PHKB: variants seen among roughly 807,000 people sequenced by gnomAD.
PHKB encodes phosphorylase b kinase regulatory subunit beta.
In PHKB, 122 loss-of-function variants were observed where a neutral mutation model predicts 152.1. That is an observed-to-expected ratio of 0.80 (90% CI 0.69 to 0.93). The LOEUF is 0.93. PHKB is among the 40% of genes least tolerant of loss of function. The pLI is 0.00. For synonymous variants in PHKB, 436 were observed against 464.9 expected, an observed-to-expected ratio of 0.94 and a Z score of 0.80; for missense variants, 1,304 against 1,328.4, an observed-to-expected ratio of 0.98 and a Z score of 0.29.
At position 47,588,923 on chromosome 16, in the gene PHKB, C is replaced by G; in HGVS notation, c.889C>G (p.Leu297Val). 1 of 1,613,664 alleles carries G rather than the reference C, an allele frequency of 6.2e-7. No homozygotes were observed. The highest frequency in any genetic ancestry group is 8.5e-7 in the Non-Finnish European group (1 of 1,179,668). ...SRSHNTDAALLPCISYPAFAL... is the reference protein window; with the variant it reads ...SRSHNTDAALVPCISYPAFAL... ...CCTCCAGAATACAGATGCTGCCCTG[C>G]TCCCCTGCATCAGTTATCCTGCATT... The change falls in exon 10 of 31, where the codon CTC becomes GTC. Residue 297 changes from leucine (L) to valine (V), a missense_variant. Physicochemically the swap from Leu to Val is conservative, Grantham distance 32. Coordinates refer to ENST00000323584, the MANE Select transcript of PHKB (RefSeq NM_000293.3).
intron 2 of PHKB, among the ~76,000 whole-genome samples, 196 bp downstream of exon 2, chr16:47,497,684 T>C (rs1970256101): frequency 6.6e-6 from 1 of 152,220 alleles, no homozygotes; most frequent in African/African-American, 2.4e-5. Flanking sequence ...AGATCATATC[T>C]GGCCCTTGAA....
At chr16:47,698,065 C>T (rs1416723283) in intron 29 of PHKB, among the ~76,000 whole-genome samples, 3 of 152,162 alleles carry the variant, frequency 2.0e-5, no homozygotes, top group African/African-American at 4.8e-5. Flanking sequence ...GTCCCTGACC[C>T]GTCTCTCCAC....
chr16:47,627,123 C>A lies in PHKB; in HGVS notation c.1459-13912C>A, dbSNP rs547544523. Reference sequence around the variant, plus strand: ...AACCTGAGAGTTAAATGACTGGATTCTTGGAATCTGTTCTCCCCTTTCTGC... The same window carrying A: ...AACCTGAGAGTTAAATGACTGGATTATTGGAATCTGTTCTCCCCTTTCTGC... On this transcript the variant is annotated intron_variant, in intron 14 of 30. Coordinates refer to ENST00000323584, the MANE Select transcript of PHKB (RefSeq NM_000293.3). 2.6e-5 allele frequency among the ~76,000 whole-genome samples: 4 copies of A among 152,304 alleles called. No homozygotes were observed. The South Asian group carries it at 8.3e-4, about 32-fold the overall frequency.
At chr16:47,477,846 A>G (rs13331504) in intron 1 of PHKB, among the ~76,000 whole-genome samples, 2,475 of 152,342 alleles carry the variant, frequency 0.016, 69 homozygotes, top group African/African-American at 0.055. Context: ...GTAAGTCACC[A>G]GTAGCATGTT....
At chr16:47,554,929 G>T (rs570254631) in intron 7 of PHKB, among the ~76,000 whole-genome samples, 4 of 152,318 alleles carry the variant, frequency 2.6e-5, no homozygotes, top group African/African-American at 7.2e-5. Context: ...CATTGGTCTT[G>T]CTGGGAGCTG....
chr16:47,584,639 T>G lies in PHKB; in HGVS notation c.775-3029T>G, dbSNP rs556341320. Among the ~76,000 whole-genome samples the G allele has an allele frequency of 4.6e-5, 7 of 152,282 alleles. No homozygotes were observed. The South Asian group carries it at 1.5e-3, about 32-fold the overall frequency. On this transcript the variant is annotated intron_variant, in intron 8 of 30. Coordinates refer to ENST00000323584, the MANE Select transcript of PHKB (RefSeq NM_000293.3). Reference sequence around the variant, plus strand: ...GAAATTCCTATCAGTAAATACCCTTTCCGGAAGAATACATTTCTCCAGGCT... The same window carrying G: ...GAAATTCCTATCAGTAAATACCCTTGCCGGAAGAATACATTTCTCCAGGCT...
chr16:47,553,497 G>T (rs187422602), intron 7 of PHKB, among the ~76,000 whole-genome samples: 2 of 152,162 alleles, frequency 1.3e-5, no homozygotes, highest in African/African-American at 4.8e-5. Flanking sequence ...CTTTAGCTCA[G>T]AGGAGCTTGT....
chr16:47,650,733 G>A, intron 19 of PHKB, 98 bp from the exon 20 acceptor site: 1 of 1,226,452 alleles, frequency 8.2e-7, no homozygotes, highest in Non-Finnish European at 1.2e-6. Context: ...CTTAGTATGT[G>A]GTGGAATACT....
At chr16:47,490,250 T>C (rs1007770977) in intron 1 of PHKB, among the ~76,000 whole-genome samples, 5 of 152,204 alleles carry the variant, frequency 3.3e-5, no homozygotes, top group Non-Finnish European at 7.3e-5. Flanking sequence ...GTCAAAGTTC[T>C]ATCACTTACT....
intron 6 of PHKB, among the ~76,000 whole-genome samples, chr16:47,543,785 A>C (rs1028426493): frequency 4.6e-5 from 7 of 152,036 alleles, no homozygotes; most frequent in African/African-American, 1.7e-4. Context: ...ACTTTATTTG[A>C]ATAGAGGTGT....
At chr16:47,681,529 G>A (rs556034643) in intron 26 of PHKB, among the ~76,000 whole-genome samples, 8 of 151,298 alleles carry the variant, frequency 5.3e-5, no homozygotes, top group East Asian at 1.9e-4. Flanking sequence ...ATGTAATGGC[G>A]TTCTTTGTCT....
intron 6 of PHKB, among the ~76,000 whole-genome samples, chr16:47,532,471 C>T (rs1168684555): frequency 1.3e-5 from 2 of 152,330 alleles, no homozygotes; most frequent in East Asian, 3.9e-4. Flanking sequence ...TGCTACCAGG[C>T]TGGATCCCAT....
At chr16:47,628,570 G>A (rs1458897717) in intron 14 of PHKB, among the ~76,000 whole-genome samples, 3 of 151,998 alleles carry the variant, frequency 2.0e-5, no homozygotes, top group Admixed American at 6.6e-5. Context: ...ACTTAGACTA[G>A]GGCTCAATAC....
chr16:47,641,710 T>C lies in PHKB; in HGVS notation c.1608+18T>C. The C allele has an allele frequency of 7.9e-7, 1 of 1,259,694 alleles. No individual in the cohort carries two copies. Among genetic ancestry groups the C allele is most frequent in the Non-Finnish European group, 1.2e-6 (1 of 856,704 alleles). The allele number at this position is 1,259,694 out of a possible 1,614,324, so 78.0% of individuals were successfully genotyped here. ...TTGTGAAAGTAAGTGATTCTGCCTT[T>C]TACTTTCCTTACTTTGTAGAGGTAC... is the stretch of plus-strand genomic sequence containing the variant. On this transcript the variant is annotated intron_variant, in intron 16 of 30. Transcript: ENST00000323584.
intron 1 of PHKB, among the ~76,000 whole-genome samples, chr16:47,469,360 A>G (rs1969724726): frequency 1.3e-5 from 2 of 152,316 alleles, no homozygotes; most frequent in South Asian, 2.1e-4. Flanking sequence ...TAGGTGCCCA[A>G]AAACAGTGGG....
At chr16:47,684,175 A>G (rs1245197286) in intron 26 of PHKB, among the ~76,000 whole-genome samples, 1 of 151,972 alleles carries the variant, frequency 6.6e-6, no homozygotes, top group East Asian at 1.9e-4. Context: ...TCTACAAAAA[A>G]ATTAAAAATT....
chr16:47,523,188 C>G (rs1970714212), intron 6 of PHKB, among the ~76,000 whole-genome samples: 1 of 152,058 alleles, frequency 6.6e-6, no homozygotes, highest in Non-Finnish European at 1.5e-5. Context: ...ACCACAATTT[C>G]TTGTTTCTTT....
chr16:47,541,610 T>C lies in PHKB; in HGVS notation c.595-5823T>C, dbSNP rs144298749. Among the ~76,000 whole-genome samples the C allele has an allele frequency of 7.8e-4, 119 of 152,310 alleles. 1 individual carries two copies. The East Asian group carries it at 0.011, about 14-fold the overall frequency. On this transcript the variant is annotated intron_variant, in intron 6 of 30. Coordinates refer to ENST00000323584, the MANE Select transcript of PHKB (RefSeq NM_000293.3). ...ATGGTTGAACTAGTTTATACTCCCA[T>C]CAACAGTGTAAAAGTGTTCCTATTT...
At chr16:47,496,082 A>T (rs181295010) in intron 1 of PHKB, among the ~76,000 whole-genome samples, 1 of 152,028 alleles carries the variant, frequency 6.6e-6, no homozygotes, top group East Asian at 1.9e-4. Flanking sequence ...TTATGAGCAT[A>T]AAGGCTTTAA....
Sources: gnomAD v4.1 joint callset for allele counts (sites outside exome capture counted in the v4.1 genomes callset) on GRCh38, gnomAD v4.1.1 for gene constraint, MANE v1.5 for transcripts, NCBI Gene and HGNC (gene_info 2026-07-23, HGNC 2026-07-21) for gene names.